The following VCL variants were observed in gnomAD, a reference collection of about 807,000 sequenced individuals.
VCL encodes vinculin.
A neutral mutation model predicts 125.7 loss-of-function variants in VCL; 47 were observed. The ratio of observed to expected loss-of-function variants is 0.37; its 90% CI spans 0.30 to 0.48. The LOEUF is 0.48. VCL is among the 20% of genes least tolerant of loss of function. The pLI, the probability that VCL is intolerant of heterozygous loss-of-function variation, is 0.99. For missense variants in VCL, 1,069 were observed against 1,455.5 expected (o/e 0.73, Z 4.32); for synonymous variants, 458 against 514.6 (o/e 0.89, Z 1.49).
Position 74,094,334 on chromosome 10 carries a change from C to T in VCL, c.1416C>T (p.Asn472=), listed in dbSNP as rs760497437. ...AACAGGTGGCCACGGCCCTGCAGAA[C>T]CTGCAGACCAAAACCAACCGGGCTG... The part of the protein sequence containing the change: ...LAKQVATALQ[N]LQTKTNRAVA... Residue 472 remains asparagine, a synonymous_variant, in exon 11 of 22, where the codon AAC becomes AAT. Coordinates refer to ENST00000211998, the MANE Select transcript of VCL (RefSeq NM_014000.3). 2 of 1,614,140 alleles carry T rather than the reference C, an allele frequency of 1.2e-6. No individual in the cohort carries two copies.
At position 74,071,501 on chromosome 10, in the gene VCL, C is replaced by A. The variant is rs2131960; in HGVS notation, c.499+418C>A. 0.66 allele frequency among the ~76,000 whole-genome samples: 101,031 copies of A among 152,044 alleles called. 34,485 individuals are homozygous for A. Among genetic ancestry groups the A allele is most frequent in the African/African-American group, 0.77 (31,903 of 41,466 alleles). ...GCCTACTATTATGGATTCATGCCCT[C>A]ACCCAAGGCTGCATAATATAATCAG... On this transcript the variant is annotated intron_variant, in intron 4 of 21. Coordinates refer to ENST00000211998, the MANE Select transcript of VCL (RefSeq NM_014000.3). This position sits in a 1 kb window ranked among gnomAD's most constrained non-coding sequence, Gnocchi z 4.1.
At chr10:74,101,391 TGGGA>T (rs1264494534) in intron 14 of VCL, among the ~76,000 whole-genome samples, 1 of 151,132 alleles carries the variant, frequency 6.6e-6, no homozygotes, top group East Asian at 1.9e-4. Context: ...GAGGCTGAGG[TGGGA>T]GGATTATTTG....
intron 1 of VCL, among the ~76,000 whole-genome samples, chr10:74,018,450 C>G (rs1459856197): frequency 6.6e-6 from 1 of 151,902 alleles, no homozygotes; most frequent in Non-Finnish European, 1.5e-5. Context: ...GCCAAAGGCC[C>G]TTTTGCATAA....
chr10:74,069,333 G>A (rs1249623506), intron 2 of VCL, among the ~76,000 whole-genome samples: 5 of 152,100 alleles, frequency 3.3e-5, no homozygotes, highest in African/African-American at 9.7e-5. Context: ...AGCCAACTGC[G>A]CCCGGCCATG....
chr10:74,084,100 C>T (rs1163235686), intron 8 of VCL, among the ~76,000 whole-genome samples: 3 of 151,882 alleles, frequency 2.0e-5, no homozygotes, highest in South Asian at 2.1e-4. Context: ...CTCCTGACCT[C>T]GTGATCCACC....
chr10:74,026,632 G>A (rs535584726), intron 1 of VCL, among the ~76,000 whole-genome samples: 1 of 152,258 alleles, frequency 6.6e-6, no homozygotes, highest in South Asian at 2.1e-4. Flanking sequence ...TTTAGCCCTT[G>A]TTATCTACCA....
At chr10:74,036,322 C>A (rs1026739084) in intron 1 of VCL, among the ~76,000 whole-genome samples, 1 of 152,050 alleles carries the variant, frequency 6.6e-6, no homozygotes, top group Admixed American at 6.6e-5. Flanking sequence ...CCTGTCTCAC[C>A]CTCCCGAGTA....
intron 1 of VCL, among the ~76,000 whole-genome samples, chr10:74,038,923 T>G (rs1841036601): frequency 1.3e-5 from 2 of 152,142 alleles, no homozygotes; most frequent in Middle Eastern, 3.2e-3. Flanking sequence ...ATTTTTTCCT[T>G]TTTTTGAGAC....
chr10:74,104,499 G>T (rs574498234), intron 15 of VCL, among the ~76,000 whole-genome samples: 41 of 152,234 alleles, frequency 2.7e-4, no homozygotes, highest in African/African-American at 9.6e-4. Flanking sequence ...AGGAATGTAG[G>T]CTTTTTGCTG....
chr10:74,042,080 C>T (rs892822100), intron 1 of VCL, among the ~76,000 whole-genome samples: 8 of 152,192 alleles, frequency 5.3e-5, no homozygotes, highest in Middle Eastern at 3.4e-3. Flanking sequence ...AATGTTCTTT[C>T]GGTGTTGTTG....
At chr10:74,077,637 G>T in intron 6 of VCL, 2 of 435,446 alleles carry the variant, frequency 4.6e-6, no homozygotes, top group South Asian at 3.3e-5. Flanking sequence ...ACCTCTTCTC[G>T]CCCCTACCAA....
chr10:74,118,376 G>A lies in VCL; in HGVS notation c.*207G>A. ...TGAAATGTGTTTCTGTATAAAGCCT[G>A]TATTCTCAAACACAGTTACACTTGT... On this transcript the variant is annotated 3_prime_UTR_variant, in exon 22 of 22. Transcript: ENST00000211998. 1.5e-6 allele frequency: 1 copy of A among 660,438 alleles called. No homozygotes were observed. The highest frequency in any genetic ancestry group is 2.6e-6 in the Non-Finnish European group (1 of 382,774). The allele number at this position is 660,438 out of a possible 1,614,324, so 40.9% of individuals were successfully genotyped here. A position where few individuals can be genotyped will look rare whatever the true frequency, so the allele number is the denominator to read the frequency against.
At chr10:74,090,991 G>A (rs887508395) in intron 10 of VCL, among the ~76,000 whole-genome samples, 2 of 151,880 alleles carry the variant, frequency 1.3e-5, no homozygotes, top group Non-Finnish European at 2.9e-5. Context: ...TGTAGAGACG[G>A]GGTGTTGCTA....
At chr10:74,024,823 AC>A (rs1840742469) in intron 1 of VCL, among the ~76,000 whole-genome samples, 1 of 152,282 alleles carries the variant, frequency 6.6e-6, no homozygotes, top group African/African-American at 2.4e-5. Flanking sequence ...GGCTGTGGAA[AC>A]CTTCCAGCTT....
chr10:74,113,244 G>C (rs1167550592), intron 19 of VCL, among the ~76,000 whole-genome samples: 1 of 152,242 alleles, frequency 6.6e-6, no homozygotes, highest in Non-Finnish European at 1.5e-5. Flanking sequence ...GAGCTTTCAT[G>C]AGAGGGCACA....
chr10:74,100,837 C>A, intron 13 of VCL, 111 bp from the exon 14 acceptor site: 3 of 1,303,174 alleles, frequency 2.3e-6, no homozygotes, highest in Non-Finnish European at 2.2e-6. Flanking sequence ...TTGATGTCAT[C>A]TCTAAAGTCT....
rs192039227 is a variant in VCL, at chr10:74,097,536, A to G, written c.1872+204A>G. ...GAATATCTTTAGTTGCAAGCAATAGAAGACCTGACCATCAGAGATGAAAAC... is the reference window on the plus strand; with the variant it reads ...GAATATCTTTAGTTGCAAGCAATAGGAGACCTGACCATCAGAGATGAAAAC... On this transcript the variant is annotated intron_variant, in intron 13 of 21. Coordinates refer to ENST00000211998, the MANE Select transcript of VCL (RefSeq NM_014000.3). The surrounding 1 kb of genome is among the most constrained non-coding windows in gnomAD (Gnocchi z 4.1). 7.2e-5 allele frequency among the ~76,000 whole-genome samples: 11 copies of G among 152,350 alleles called. No individual in the cohort carries two copies. Among genetic ancestry groups the G allele is most frequent in the Admixed American group, 4.6e-4 (7 of 15,306 alleles).
Position 74,114,225 on chromosome 10 carries a change from G to T in VCL, c.2991G>T (p.Leu997=), listed in dbSNP as rs1249850683. ...IIAAAKRMAL[L]MAEMSRLVRG... ...CAGCAGCCAAGCGCATGGCTCTGCTGATGGCTGAGATGTCTCGGCTGGTAA... is the reference window on the plus strand; with the variant it reads ...CAGCAGCCAAGCGCATGGCTCTGCTTATGGCTGAGATGTCTCGGCTGGTAA... The change falls in exon 20 of 22, where the codon CTG becomes CTT. Residue 997 remains leucine, a synonymous_variant. Coordinates refer to ENST00000211998, the MANE Select transcript of VCL (RefSeq NM_014000.3). 2 of 1,613,874 alleles carry T rather than the reference G, an allele frequency of 1.2e-6. No homozygotes were observed. The highest frequency in any genetic ancestry group is 2.7e-5 in the African/African-American group (2 of 74,878).
intron 2 of VCL, among the ~76,000 whole-genome samples, chr10:74,064,318 T>G: frequency 6.6e-6 from 1 of 152,164 alleles, no homozygotes; most frequent in East Asian, 1.9e-4. Flanking sequence ...AGAAACTCTC[T>G]GACCATGCCT....
Sources: gnomAD v4.1 joint callset for allele counts (sites outside exome capture counted in the v4.1 genomes callset) on GRCh38, gnomAD v4.1.1 for gene constraint, Gnocchi (gnomAD v3.1) non-coding constraint, MANE v1.5 for transcripts, NCBI Gene and HGNC (gene_info 2026-07-23, HGNC 2026-07-21) for gene names.